The following LARGE1 variants were observed in gnomAD, a reference collection of about 807,000 sequenced individuals.
LARGE1 encodes the protein LARGE xylosyl- and glucuronyltransferase 1.
Under a neutral mutation model 87.6 loss-of-function variants are expected in LARGE1, and 43 were observed. The observed-to-expected ratio is 0.49, with a 90% CI of 0.38 to 0.63. The LOEUF is 0.63. Among genes scored for constraint, LARGE1 ranks in the 30% least tolerant of loss-of-function variants. The pLI, the probability that LARGE1 is intolerant of heterozygous loss-of-function variation, is 0.00. For missense variants in LARGE1, 802 were observed against 1,000.2 expected (o/e 0.80, Z 2.67); for synonymous variants, 434 against 394.6 (o/e 1.10, Z -1.18).
At chr22:33,662,076 C>CAAAAA (rs34470280) in intron 2 of LARGE1, among the ~76,000 whole-genome samples, 5 of 54,896 alleles carry the variant, frequency 9.1e-5, no homozygotes, top group South Asian at 1.0e-3. Context: ...GCTTAGGAGC[C>CAAAAA]AAAAAAAAAA....
At chr22:33,074,401 G>A in the LARGE1 span, among the ~76,000 whole-genome samples, 1 of 152,206 alleles carries the variant, frequency 6.6e-6, no homozygotes, top group African/African-American at 2.4e-5. Flanking sequence ...CCGGCTGGGC[G>A]TGGTGGCTCA....
At chr22:33,552,719 G>A (rs1353584887) in intron 6 of LARGE1, among the ~76,000 whole-genome samples, 2 of 152,252 alleles carry the variant, frequency 1.3e-5, no homozygotes, top group East Asian at 3.9e-4. Context: ...CTGATTGTAC[G>A]ATATATCAAA....
chr22:33,438,842 T>G (rs1273122790), intron 6 of LARGE1, among the ~76,000 whole-genome samples: 1 of 152,232 alleles, frequency 6.6e-6, no homozygotes, highest in African/African-American at 2.4e-5. Context: ...TCTCTGAGCC[T>G]TGAGTTTCCT....
chr22:33,274,254 G>C lies in LARGE1; in HGVS notation c.*173C>G, dbSNP rs568794375. Reference sequence around the variant, plus strand: ...CAGGGTTGTGGGGCAGAGAGGGACTGGCTGGATCCTTGTCCAAGGTCTCTG... The same window carrying C: ...CAGGGTTGTGGGGCAGAGAGGGACTCGCTGGATCCTTGTCCAAGGTCTCTG... On this transcript the variant is annotated 3_prime_UTR_variant, in exon 15 of 15. Transcript: ENST00000397394. 3 of 694,470 alleles carry C rather than the reference G, an allele frequency of 4.3e-6. No homozygotes were observed. In the East Asian group the frequency reaches 8.0e-5, roughly 19 times the overall value. 43.0% of individuals were successfully genotyped at this position (694,470 alleles called of 1,614,324 possible). A position where few individuals can be genotyped will look rare whatever the true frequency, so the allele number is the denominator to read the frequency against.
chr22:33,681,825 T>C, intron 2 of LARGE1, among the ~76,000 whole-genome samples: 1 of 152,198 alleles, frequency 6.6e-6, no homozygotes, highest in Non-Finnish European at 1.5e-5. Flanking sequence ...ACATTCAGGG[T>C]CATCTGGACA....
At chr22:33,523,417 CTG>C (rs1219853618) in intron 6 of LARGE1, among the ~76,000 whole-genome samples, 1 of 152,158 alleles carries the variant, frequency 6.6e-6, no homozygotes, top group Non-Finnish European at 1.5e-5. Flanking sequence ...CCTCTGTGAA[CTG>C]TGTGTTGATA....
rs575564693 is a variant in LARGE1, at chr22:33,852,725, G to A, written c.-83+67270C>T. Among the ~76,000 whole-genome samples the A allele has an allele frequency of 3.6e-4, 54 of 151,680 alleles. No individual in the cohort carries two copies. The South Asian group carries it at 0.01, about 29-fold the overall frequency. The stretch of plus-strand genomic sequence containing the variant: ...CAAAAAATAAGCCGGGCGTGGCGGC[G>A]TACACCTGTAGTCCCAGCTACTTGG... On this transcript the variant is annotated intron_variant, in intron 1 of 14. Transcript: ENST00000397394.
rs1306754153 is a variant in LARGE1, at chr22:33,739,454, G to A, written c.106+21917C>T. On this transcript the variant is annotated intron_variant, in intron 2 of 14. Coordinates refer to ENST00000397394, the MANE Select transcript of LARGE1 (RefSeq NM_133642.5). The stretch of plus-strand genomic sequence containing the variant: ...CAAAAAACCTACAGCTTTCAGCTGC[G>A]GTACTGTCCTGGTCTAATTTACCCT... Among the ~76,000 whole-genome samples, 9 of 152,186 alleles carry A rather than the reference G, an allele frequency of 5.9e-5. No individual in the cohort carries two copies. In the East Asian group the frequency reaches 9.6e-4, roughly 16 times the overall value.
the LARGE1 span, among the ~76,000 whole-genome samples, chr22:33,119,063 G>A: frequency 6.6e-6 from 1 of 152,206 alleles, no homozygotes; most frequent in Non-Finnish European, 1.5e-5. Flanking sequence ...GAGCAAAAGG[G>A]CTATGGGTAG....
chr22:33,102,708 C>G, the LARGE1 span, among the ~76,000 whole-genome samples: 1 of 152,012 alleles, frequency 6.6e-6, no homozygotes, highest in Non-Finnish European at 1.5e-5. Flanking sequence ...GCAGGCTAGT[C>G]TTGAACTCCT....
chr22:33,544,811 C>T (rs904797416), intron 6 of LARGE1, among the ~76,000 whole-genome samples: 20 of 152,194 alleles, frequency 1.3e-4, no homozygotes, highest in African/African-American at 4.8e-4. Flanking sequence ...CTAAACCAAT[C>T]CCTATAGCCA....
Position 33,345,738 on chromosome 22 carries a change from G to A in LARGE1, c.1132-7937C>T, listed in dbSNP as rs545423592. ...AAGTCCATGTGATTAAAGGAGACACGAGAAACTCTATCACCCATCAAGGGC... is the reference window on the plus strand; with the variant it reads ...AAGTCCATGTGATTAAAGGAGACACAAGAAACTCTATCACCCATCAAGGGC... On this transcript the variant is annotated intron_variant, in intron 9 of 14. Coordinates refer to ENST00000397394, the MANE Select transcript of LARGE1 (RefSeq NM_133642.5). Among the ~76,000 whole-genome samples, 17 of 152,286 alleles carry A rather than the reference G, an allele frequency of 1.1e-4. No homozygotes were observed. The East Asian group carries it at 2.3e-3, about 21-fold the overall frequency.
chr22:33,167,413 C>A (rs776210879), intron 11 of LARGE1, among the ~76,000 whole-genome samples: 2 of 152,124 alleles, frequency 1.3e-5, no homozygotes, highest in South Asian at 2.1e-4. Context: ...ATTTTGCATT[C>A]GATGAACAGT....
intron 1 of LARGE1, among the ~76,000 whole-genome samples, chr22:33,870,033 G>T (rs1193812461): frequency 6.6e-6 from 1 of 152,148 alleles, no homozygotes; most frequent in Non-Finnish European, 1.5e-5. Context: ...CTCAGAATGT[G>T]ACCTTATTTG....
At chr22:33,396,822 G>T (rs1310758967) in intron 7 of LARGE1, among the ~76,000 whole-genome samples, 1 of 152,144 alleles carries the variant, frequency 6.6e-6, no homozygotes, top group African/African-American at 2.4e-5. Context: ...TTATCTCACT[G>T]GACAGAAATC....
rs553280710 is a variant in LARGE1, at chr22:33,168,085, G to A, written c.1731-1253C>T. On this transcript the variant is annotated intron_variant, in intron 11 of 11. Transcript: ENST00000608642. ...TTTCTCCAGGAGTTCTTTCTGGCACGCCTAGCTGTGGGGTCTAAGGCTTGG... is the reference window on the plus strand; with the variant it reads ...TTTCTCCAGGAGTTCTTTCTGGCACACCTAGCTGTGGGGTCTAAGGCTTGG... Among the ~76,000 whole-genome samples the A allele has an allele frequency of 2.1e-4, 32 of 152,172 alleles. No individual in the cohort carries two copies. In the South Asian group the frequency reaches 4.4e-3, roughly 21 times the overall value.
chr22:33,540,971 TA>T (rs550737691), intron 6 of LARGE1, among the ~76,000 whole-genome samples: 12 of 141,606 alleles, frequency 8.5e-5, no homozygotes, highest in Admixed American at 3.6e-4. Context: ...CCATCTCTAT[TA>T]AAAAAAAATA....
intron 6 of LARGE1, among the ~76,000 whole-genome samples, chr22:33,512,050 T>C (rs1345068741): frequency 1.3e-5 from 2 of 152,186 alleles, no homozygotes. Flanking sequence ...CTGTAAAAAA[T>C]TAATGTCATA....
chr22:33,122,322 C>G, the LARGE1 span, among the ~76,000 whole-genome samples: 1 of 151,414 alleles, frequency 6.6e-6, no homozygotes, highest in Non-Finnish European at 1.5e-5. Flanking sequence ...TGTTCGTGGG[C>G]AGTATCTAGA....
Sources: gnomAD v4.1 joint callset for allele counts (sites outside exome capture counted in the v4.1 genomes callset) on GRCh38, gnomAD v4.1.1 for gene constraint, MANE v1.5 for transcripts, NCBI Gene and HGNC (gene_info 2026-07-23, HGNC 2026-07-21) for gene names.